PGAP1: variants seen among roughly 807,000 people sequenced by gnomAD.
PGAP1 encodes the protein post-GPI attachment to proteins inositol deacylase 1, also known as GPI inositol-deacylase.
In PGAP1, 76 loss-of-function variants were observed where a neutral mutation model predicts 127.0. That is an observed-to-expected ratio of 0.60 (90% CI 0.50 to 0.72). The LOEUF (loss-of-function observed/expected upper bound fraction) is 0.72, where lower values mean the gene tolerates loss of function less well. Among genes scored for constraint, PGAP1 ranks in the 30% least tolerant of loss-of-function variants. PGAP1 has a pLI of 0.00. For synonymous variants in PGAP1, 362 were observed against 366.5 expected, an observed-to-expected ratio of 0.99 and a Z score of 0.14; for missense variants, 982 against 1,071.3, an observed-to-expected ratio of 0.92 and a Z score of 1.16.
At chr2:196,874,061 T>C (rs1701484199) in intron 14 of PGAP1, 1 of 212,824 alleles carries the variant, frequency 4.7e-6, no homozygotes, top group African/African-American at 2.3e-5. Context: ...TTCAATGATA[T>C]GGGTGATTCA....
intron 12 of PGAP1, among the ~76,000 whole-genome samples, chr2:196,882,224 C>T (rs557290720): frequency 4.4e-4 from 67 of 152,104 alleles, no homozygotes; most frequent in Non-Finnish European, 8.8e-4. Flanking sequence ...GTTTTTGTAC[C>T]AGTACCATGC....
rs1700398186 is a variant in PGAP1, at chr2:196,841,067, A to C, written c.*167T>G. The C allele has an allele frequency of 2.5e-6, 2 of 794,514 alleles. No homozygotes were observed. The highest frequency in any genetic ancestry group is 1.9e-6 in the Non-Finnish European group (1 of 513,646). 49.2% of individuals were successfully genotyped at this position (794,514 alleles called of 1,614,324 possible). A position where few individuals can be genotyped will look rare whatever the true frequency, so the allele number is the denominator to read the frequency against. On this transcript the variant is annotated 3_prime_UTR_variant, in exon 27 of 27. Transcript: ENST00000354764. Reference sequence around the variant, plus strand: ...ACACCACAAAACAAAACCATGCTTCAACTACTTCCCTCAAACATTACAAAA... The same window carrying C: ...ACACCACAAAACAAAACCATGCTTCCACTACTTCCCTCAAACATTACAAAA...
chr2:196,894,947 C>T (rs1385694805), intron 7 of PGAP1, among the ~76,000 whole-genome samples: 2 of 152,118 alleles, frequency 1.3e-5, no homozygotes, highest in East Asian at 3.8e-4. Flanking sequence ...TGATTCCTGC[C>T]TTATCACCAT....
At chr2:196,878,455 C>T (rs528177975) in intron 13 of PGAP1, among the ~76,000 whole-genome samples, 4 of 152,198 alleles carry the variant, frequency 2.6e-5, no homozygotes, top group South Asian at 4.1e-4. Flanking sequence ...TTTTAGATGG[C>T]GCGTCCTCAT....
rs1015594524 is a variant in PGAP1 at position 196,837,780 on chromosome 2, T to G, written c.*3454A>C. The G allele has an allele frequency of 2.6e-5, 4 of 152,224 alleles. No individual in the cohort carries two copies. Among genetic ancestry groups the G allele is most frequent in the Admixed American group, 2.6e-4 (4 of 15,282 alleles). The allele number at this position is 152,224 out of a possible 1,614,324, so 9.4% of individuals were successfully genotyped here. ...ATTACAGTTATTTCTTCTTTTTTCCTTACTATATAATCATGTAGATTAGTA... is the reference window on the plus strand; with the variant it reads ...ATTACAGTTATTTCTTCTTTTTTCCGTACTATATAATCATGTAGATTAGTA... On this transcript the variant is annotated 3_prime_UTR_variant, in exon 27 of 27. Coordinates refer to ENST00000354764, the MANE Select transcript of PGAP1 (RefSeq NM_024989.4).
At position 196,853,796 on chromosome 2, in the gene PGAP1, T is replaced by C. The variant is rs79055422; in HGVS notation, c.1862-5759A>G. Among the ~76,000 whole-genome samples, 453 of 152,294 alleles carry C rather than the reference T, an allele frequency of 3.0e-3. 3 individuals are homozygous for C. Among genetic ancestry groups the C allele is most frequent in the African/African-American group, 0.01 (422 of 41,582 alleles). On this transcript the variant is annotated intron_variant, in intron 20 of 26. Coordinates refer to ENST00000354764, the MANE Select transcript of PGAP1 (RefSeq NM_024989.4). ...ATCCATACAACTTTCTGTATTGCTT[T>C]TGAAGTCTTTTACTACTTTAACCGA... is the stretch of plus-strand genomic sequence containing the variant.
rs1202371707 is a variant in PGAP1 at position 196,837,630 on chromosome 2, G to GA, written c.*3603dup. The GA allele has an allele frequency of 1.3e-5, 2 of 151,934 alleles. No individual in the cohort carries two copies. The highest frequency in any genetic ancestry group is 2.9e-5 in the Non-Finnish European group (2 of 67,960). The allele number at this position is 151,934 out of a possible 1,614,324, so 9.4% of individuals were successfully genotyped here. A position where few individuals can be genotyped will look rare whatever the true frequency, so the allele number is the denominator to read the frequency against. The stretch of plus-strand genomic sequence containing the variant: ...GACAGAATGAGACTCTGTTTCTAAA[G>GA]AAAAAACATATAGGAACTAAATAAT... On this transcript the variant is annotated 3_prime_UTR_variant, in exon 27 of 27. Transcript: ENST00000354764.
intron 1 of PGAP1, 62 bp downstream of exon 1, chr2:196,926,408 G>A (rs1239690427): frequency 6.2e-7 from 1 of 1,606,078 alleles, no homozygotes; most frequent in Non-Finnish European, 8.5e-7. Context: ...ACCCACAGAA[G>A]GAAAAAGGCA....
At chr2:196,878,921 A>G (rs987556824) in intron 13 of PGAP1, among the ~76,000 whole-genome samples, 1 of 152,250 alleles carries the variant, frequency 6.6e-6, no homozygotes, top group Non-Finnish European at 1.5e-5. Context: ...TGACTAGGAC[A>G]ATTAGGGAAC....
chr2:196,873,850 A>G, intron 14 of PGAP1, 92 bp from the exon 15 acceptor site: 1 of 852,182 alleles, frequency 1.2e-6, no homozygotes. Context: ...CAATGCCAAT[A>G]ATTAAAAATT....
chr2:196,865,777 G>C (rs1215513200), intron 19 of PGAP1, among the ~76,000 whole-genome samples: 1 of 151,944 alleles, frequency 6.6e-6, no homozygotes, highest in Non-Finnish European at 1.5e-5. Context: ...CATTCTATCA[G>C]CTCTCTATAA....
In PGAP1 at chr2:196,861,810, C is replaced by T. The variant is rs551206746; in HGVS notation, c.1861+3177G>A. Among the ~76,000 whole-genome samples the T allele has an allele frequency of 1.3e-3, 194 of 152,014 alleles. 1 individual carries two copies. The highest frequency in any genetic ancestry group is 2.5e-3 in the Non-Finnish European group (170 of 68,004). On this transcript the variant is annotated intron_variant, in intron 20 of 26. Transcript: ENST00000354764. ...TTCTTATGCCTGTCTTTACTGCAAT[C>T]TCTAAACATAAATTGTAAAGATTTC... is the stretch of plus-strand genomic sequence containing the variant.
At chr2:196,842,365 C>G (rs1244023215) in intron 26 of PGAP1, among the ~76,000 whole-genome samples, 1 of 152,026 alleles carries the variant, frequency 6.6e-6, no homozygotes, top group Non-Finnish European at 1.5e-5. Flanking sequence ...CAAAAGTAGA[C>G]TAACAGTATA....
intron 17 of PGAP1, 141 bp from the exon 18 acceptor site, chr2:196,872,690 T>C (rs1400481094): frequency 2.1e-5 from 13 of 633,186 alleles, no homozygotes; most frequent in Admixed American, 5.7e-5. Context: ...GGGCACTTTT[T>C]CAATGATATC....
In PGAP1 at chr2:196,924,782, GC is replaced by G. The variant is rs1261225364; in HGVS notation, c.147+1687del. On this transcript the variant is annotated intron_variant, in intron 1 of 26. Coordinates refer to ENST00000354764, the MANE Select transcript of PGAP1 (RefSeq NM_024989.4). Reference sequence around the variant, plus strand: ...TCTGTTTTTCCAGTCAATTTATGAGGCAGGAAATGCGTCTGTGAGATCCATA... The same window carrying G: ...TCTGTTTTTCCAGTCAATTTATGAGGAGGAAATGCGTCTGTGAGATCCATA... Among the ~76,000 whole-genome samples, 3 of 152,120 alleles carry G rather than the reference GC, an allele frequency of 2.0e-5. No individual in the cohort carries two copies. The East Asian group carries it at 5.8e-4, about 29-fold the overall frequency.
In PGAP1 at chr2:196,907,165, T is replaced by G. The variant is rs1443362124; in HGVS notation, c.650-4423A>C. Among the ~76,000 whole-genome samples the G allele has an allele frequency of 3.8e-3, 70 of 18,512 alleles. 1 individual carries two copies. The highest frequency in any genetic ancestry group is 6.9e-3 in the Admixed American group (11 of 1,596). The allele number at this position is 18,512 out of a possible 152,430, so 12.1% of individuals were successfully genotyped here. A position where few individuals can be genotyped will look rare whatever the true frequency, so the allele number is the denominator to read the frequency against. On this transcript the variant is annotated intron_variant, in intron 4 of 26. Coordinates refer to ENST00000354764, the MANE Select transcript of PGAP1 (RefSeq NM_024989.4). The stretch of plus-strand genomic sequence containing the variant: ...ACATAATTGTCAGATTCACCAAAGT[T>G]GAAATGAAGGAAAAAATGTTAAGGG...
In PGAP1 at chr2:196,845,991, T is replaced by G; in HGVS notation, c.2177A>C (p.Lys726Thr). Reference sequence around the variant, plus strand: ...AAAGGGCAAGTCTGGTGATATCATCTTGATATCTTTAGGAAGTTCAGAGGG... The same window carrying G: ...AAAGGGCAAGTCTGGTGATATCATCGTGATATCTTTAGGAAGTTCAGAGGG... The part of the protein sequence containing the change: ...KRPSELPKDI[K>T]MISPDLPFLT... Residue 726 changes from lysine (K) to threonine (T), a missense_variant, in exon 23 of 27, where the codon AAG (lysine) becomes ACG (threonine). Transcript: ENST00000354764. 1 of 1,597,216 alleles carries G rather than the reference T, an allele frequency of 6.3e-7. No individual in the cohort carries two copies. Among genetic ancestry groups the G allele is most frequent in the East Asian group, 2.2e-5 (1 of 44,552 alleles).
At chr2:196,869,815 G>C (rs996257800) in intron 19 of PGAP1, among the ~76,000 whole-genome samples, 1 of 152,294 alleles carries the variant, frequency 6.6e-6, no homozygotes, top group South Asian at 2.1e-4. Flanking sequence ...AGGATTAAAT[G>C]AGATAATGCA....
chr2:196,895,083 C>T (rs1702229889), intron 7 of PGAP1, among the ~76,000 whole-genome samples: 1 of 152,082 alleles, frequency 6.6e-6, no homozygotes, highest in African/African-American at 2.4e-5. Flanking sequence ...ACTATTTAGT[C>T]CAGTCAATTA....
Sources: gnomAD v4.1 joint callset for allele counts (sites outside exome capture counted in the v4.1 genomes callset) on GRCh38, gnomAD v4.1.1 for gene constraint, MANE v1.5 for transcripts, NCBI Gene and HGNC (gene_info 2026-07-23, HGNC 2026-07-21) for gene names.